NOS1AP: variants seen among roughly 807,000 people sequenced by gnomAD.
The protein encoded by NOS1AP is nitric oxide synthase 1 adaptor protein.
In NOS1AP, 21 loss-of-function variants were observed where a neutral mutation model predicts 56.2. The ratio of observed to expected loss-of-function variants is 0.37; its 90% CI spans 0.26 to 0.54. The LOEUF is 0.54. Ranked by LOEUF, NOS1AP falls within the 20% of genes least tolerant of loss-of-function variation. The pLI is 0.84. For synonymous variants in NOS1AP, 270 were observed against 274.6 expected (o/e 0.98, Z 0.17); for missense variants, 522 against 657.8 (o/e 0.79, Z 2.26).
chr1:162,109,197 G>A lies in NOS1AP; in HGVS notation c.105+38915G>A, dbSNP rs937005453. On this transcript the variant is annotated intron_variant, in intron 1 of 9. Transcript: ENST00000361897. Reference sequence around the variant, plus strand: ...ACATATGGGGGTTATTACAGTTCAAGGTGAGATTTGGGTGGGAGCACACCC... The same window carrying A: ...ACATATGGGGGTTATTACAGTTCAAAGTGAGATTTGGGTGGGAGCACACCC... Among the ~76,000 whole-genome samples, 4 of 152,122 alleles carry A rather than the reference G, an allele frequency of 2.6e-5. No individual in the cohort carries two copies. The East Asian group carries it at 7.7e-4, about 29-fold the overall frequency.
intron 1 of NOS1AP, among the ~76,000 whole-genome samples, chr1:162,071,591 C>A (rs1209959606): frequency 6.6e-6 from 1 of 152,148 alleles, no homozygotes; most frequent in Admixed American, 6.5e-5. Context: ...TTAAACCCTG[C>A]CGTGGAATGC....
At chr1:162,366,524 G>C (rs888561744) in intron 9 of NOS1AP, among the ~76,000 whole-genome samples, 1 of 152,090 alleles carries the variant, frequency 6.6e-6, no homozygotes, top group Non-Finnish European at 1.5e-5. Context: ...TTTTAAAAAT[G>C]CGTCTTTCCT....
At chr1:162,123,785 A>G (rs115732813) in intron 1 of NOS1AP, among the ~76,000 whole-genome samples, 1,874 of 152,236 alleles carry the variant, frequency 0.012, 26 homozygotes, top group Non-Finnish European at 0.019. Context: ...TCATCTATCT[A>G]TATACACACA....
intron 2 of NOS1AP, among the ~76,000 whole-genome samples, chr1:162,176,583 A>T (rs1349045101): frequency 7.6e-6 from 1 of 131,194 alleles, no homozygotes; most frequent in African/African-American, 2.9e-5. Context: ...ATCTTGGCTC[A>T]CTGCAACCTC....
At chr1:162,125,617 T>A (rs1648456734) in intron 1 of NOS1AP, among the ~76,000 whole-genome samples, 1 of 152,198 alleles carries the variant, frequency 6.6e-6, no homozygotes, top group African/African-American at 2.4e-5. Context: ...TTCTTTATTC[T>A]GTTCCATTGA....
chr1:162,149,284 G>A (rs560939526), intron 1 of NOS1AP, among the ~76,000 whole-genome samples: 10 of 152,348 alleles, frequency 6.6e-5, no homozygotes, highest in Middle Eastern at 6.8e-3. Flanking sequence ...ATATCTGAAG[G>A]TTGTTGGCTC....
In NOS1AP at chr1:162,336,814, G is replaced by A. The variant is rs1043595676; in HGVS notation, c.453+3689G>A. On this transcript the variant is annotated intron_variant, in intron 5 of 9. Transcript: ENST00000361897. Reference sequence around the variant, plus strand: ...ATCTCAGGAGTGCTGATTGTTGTGTGTGAAGTGACGTCATCTTTAAGGAAC... The same window carrying A: ...ATCTCAGGAGTGCTGATTGTTGTGTATGAAGTGACGTCATCTTTAAGGAAC... Among the ~76,000 whole-genome samples, 9 of 152,358 alleles carry A rather than the reference G, an allele frequency of 5.9e-5. No homozygotes were observed. In the East Asian group the frequency reaches 1.3e-3, roughly 23 times the overall value.
chr1:162,365,107 G>C, intron 8 of NOS1AP: 1 of 1,355,056 alleles, frequency 7.4e-7, no homozygotes, highest in South Asian at 1.6e-5. Context: ...TGTGTGTGTG[G>C]CAGGTCTAGA....
intron 4 of NOS1AP, among the ~76,000 whole-genome samples, chr1:162,308,228 C>T (rs74125823): frequency 0.013 from 1,979 of 152,260 alleles, 44 homozygotes; most frequent in African/African-American, 0.046. Context: ...ACCAGATTGC[C>T]TATGTCAGAG....
At chr1:162,176,169 T>C (rs1301748437) in intron 2 of NOS1AP, among the ~76,000 whole-genome samples, 3 of 152,038 alleles carry the variant, frequency 2.0e-5, no homozygotes, top group Non-Finnish European at 4.4e-5. Context: ...CACTCAATGA[T>C]TTTTTTTAAA....
intron 2 of NOS1AP, among the ~76,000 whole-genome samples, chr1:162,237,200 T>A (rs1653324222): frequency 6.6e-6 from 1 of 152,218 alleles, no homozygotes; most frequent in Admixed American, 6.5e-5. Flanking sequence ...AGACCCAATG[T>A]TGAAATTTTA....
intron 2 of NOS1AP, among the ~76,000 whole-genome samples, chr1:162,252,742 C>G (rs1653906695): frequency 6.6e-6 from 1 of 152,088 alleles, no homozygotes; most frequent in Non-Finnish European, 1.5e-5. Context: ...TCCCTTATAG[C>G]TGTGTATTCA....
At chr1:162,258,850 T>C (rs551147713) in intron 2 of NOS1AP, among the ~76,000 whole-genome samples, 1 of 152,336 alleles carries the variant, frequency 6.6e-6, no homozygotes, top group African/African-American at 2.4e-5. Context: ...GTGGGCTTGA[T>C]ACAGAGTCCA....
intron 2 of NOS1AP, among the ~76,000 whole-genome samples, chr1:162,193,926 C>T (rs1651721303): frequency 6.6e-6 from 1 of 152,106 alleles, no homozygotes. Context: ...GAGCTATTGG[C>T]AGGGATTTGC....
At chr1:162,295,875 T>C (rs1212934223) in intron 3 of NOS1AP, among the ~76,000 whole-genome samples, 1 of 152,170 alleles carries the variant, frequency 6.6e-6, no homozygotes, top group East Asian at 1.9e-4. Context: ...ACACCTTGCT[T>C]GAGTGACTAC....
At chr1:162,198,161 C>T (rs991382695) in intron 2 of NOS1AP, among the ~76,000 whole-genome samples, 10 of 152,008 alleles carry the variant, frequency 6.6e-5, no homozygotes, top group African/African-American at 2.2e-4. Flanking sequence ...GTGTGATGCT[C>T]GTTTAGGGGC....
At chr1:162,082,465 T>G (rs1439011203) in intron 1 of NOS1AP, among the ~76,000 whole-genome samples, 2 of 152,216 alleles carry the variant, frequency 1.3e-5, no homozygotes, top group African/African-American at 4.8e-5. Flanking sequence ...AGTAATGGGA[T>G]TGCTGGGTCA....
chr1:162,354,453 G>A (rs2101818525), intron 6 of NOS1AP, among the ~76,000 whole-genome samples: 1 of 152,280 alleles, frequency 6.6e-6, no homozygotes, highest in East Asian at 1.9e-4. Flanking sequence ...CTGTGCCTGT[G>A]GTTAAATATT....
At chr1:162,273,796 A>T (rs1439522910) in intron 2 of NOS1AP, among the ~76,000 whole-genome samples, 1 of 152,178 alleles carries the variant, frequency 6.6e-6, no homozygotes, top group Non-Finnish European at 1.5e-5. Flanking sequence ...TTTTGTGTGT[A>T]TCAGTAGTTC....
Sources: gnomAD v4.1 joint callset for allele counts (sites outside exome capture counted in the v4.1 genomes callset) on GRCh38, gnomAD v4.1.1 for gene constraint, MANE v1.5 for transcripts, NCBI Gene and HGNC (gene_info 2026-07-23, HGNC 2026-07-21) for gene names.